IMMP2L: variants seen among roughly 807,000 people sequenced by gnomAD.
IMMP2L encodes inner mitochondrial membrane peptidase subunit 2.
In IMMP2L, 18 loss-of-function variants were observed where a neutral mutation model predicts 19.3. The ratio of observed to expected loss-of-function variants is 0.93; its 90% CI spans 0.64 to 1.38. The LOEUF (loss-of-function observed/expected upper bound fraction) is 1.38. IMMP2L is among the 40% of genes most tolerant of loss of function. The probability of loss-of-function intolerance (pLI) is 0.00; values close to 1 mark genes in which losing one functional copy is unlikely to be tolerated. For synonymous variants in IMMP2L, 76 were observed against 73.0 expected, an observed-to-expected ratio of 1.04 and a Z score of -0.21; for missense variants, 233 against 218.2, an observed-to-expected ratio of 1.07 and a Z score of -0.43.
Position 110,803,009 on chromosome 7 carries a change from AG to A in IMMP2L, c.408+83583del, listed in dbSNP as rs1478844295. ...TGATGTTAAAATAGAAATATGCAAA[AG>A]AAGTAGAGATTATAAACACAATTAC... is the stretch of plus-strand genomic sequence containing the variant. On this transcript the variant is annotated intron_variant, in intron 5 of 5. Coordinates refer to ENST00000405709, the MANE Select transcript of IMMP2L (RefSeq NM_032549.4). This position sits in a 1 kb window ranked among gnomAD's most constrained non-coding sequence, Gnocchi z 4.2. Among the ~76,000 whole-genome samples the A allele has an allele frequency of 5.3e-5, 8 of 152,152 alleles. No homozygotes were observed. Among genetic ancestry groups the A allele is most frequent in the Non-Finnish European group, 1.0e-4 (7 of 68,020 alleles).
chr7:111,006,418 A>G (rs1233743754), intron 3 of IMMP2L, among the ~76,000 whole-genome samples: 1 of 152,160 alleles, frequency 6.6e-6, no homozygotes, highest in African/African-American at 2.4e-5. Context: ...GACTTTTAAC[A>G]CTAAAAGTGA....
intron 3 of IMMP2L, among the ~76,000 whole-genome samples, chr7:111,046,821 T>C (rs979178366): frequency 2.0e-5 from 3 of 152,218 alleles, no homozygotes; most frequent in African/African-American, 7.2e-5. Flanking sequence ...TGTTGGGGAC[T>C]CTACATTCAC....
chr7:111,012,921 A>G (rs56148096), intron 3 of IMMP2L, among the ~76,000 whole-genome samples: 69,399 of 151,988 alleles, frequency 0.46, 17,520 homozygotes, highest in Non-Finnish European at 0.58. Flanking sequence ...TAGGAAGAGG[A>G]AGGGCTTCCA....
chr7:110,868,918 G>GA (rs1189483343), intron 5 of IMMP2L, among the ~76,000 whole-genome samples: 3 of 149,316 alleles, frequency 2.0e-5, no homozygotes, highest in Admixed American at 6.7e-5. Context: ...AAAATTTCTT[G>GA]AAAAAAATTA....
At chr7:111,285,987 G>A (rs529709852) in intron 3 of IMMP2L, among the ~76,000 whole-genome samples, 2 of 152,226 alleles carry the variant, frequency 1.3e-5, no homozygotes, top group South Asian at 4.1e-4. Flanking sequence ...CAAGGAAGAA[G>A]GTTCAATCAA....
At chr7:111,534,167 A>C (rs1427194569) in intron 1 of IMMP2L, among the ~76,000 whole-genome samples, 1 of 152,146 alleles carries the variant, frequency 6.6e-6, no homozygotes, top group Non-Finnish European at 1.5e-5. Flanking sequence ...TCTGATGCAG[A>C]AACACCACTC....
At chr7:110,818,827 G>T (rs1158031480) in intron 5 of IMMP2L, among the ~76,000 whole-genome samples, 2 of 151,750 alleles carry the variant, frequency 1.3e-5, no homozygotes, top group African/African-American at 4.8e-5. Context: ...GGATGAAGGT[G>T]GAAACCATCA....
At chr7:110,682,651 A>G (rs1792809523) in intron 5 of IMMP2L, among the ~76,000 whole-genome samples, 1 of 152,144 alleles carries the variant, frequency 6.6e-6, no homozygotes, top group African/African-American at 2.4e-5. Flanking sequence ...AGGAGCAGAT[A>G]TGGGAAATGA....
intron 3 of IMMP2L, among the ~76,000 whole-genome samples, chr7:111,191,908 T>C (rs1003873100): frequency 6.6e-6 from 1 of 152,156 alleles, no homozygotes; most frequent in Admixed American, 6.5e-5. Context: ...AGGAACTATG[T>C]AGTAGACGCA....
chr7:111,140,693 A>G (rs1246942490), intron 3 of IMMP2L, among the ~76,000 whole-genome samples: 1 of 152,220 alleles, frequency 6.6e-6, no homozygotes, highest in Non-Finnish European at 1.5e-5. Context: ...CACAGGATGT[A>G]GAACTGAAAA....
chr7:111,005,625 A>T (rs923899787), intron 3 of IMMP2L, among the ~76,000 whole-genome samples: 2 of 152,160 alleles, frequency 1.3e-5, no homozygotes, highest in African/African-American at 4.8e-5. Context: ...GTGTTCCTGT[A>T]AGGGTGTCAC....
intron 5 of IMMP2L, among the ~76,000 whole-genome samples, chr7:110,790,171 G>C (rs1200842072): frequency 6.6e-6 from 1 of 151,538 alleles, no homozygotes; most frequent in African/African-American, 2.4e-5. Context: ...AAGCAGAGGG[G>C]AGAACAAGTA....
intron 3 of IMMP2L, among the ~76,000 whole-genome samples, chr7:111,192,538 G>A (rs1044320285): frequency 4.6e-5 from 7 of 152,020 alleles, no homozygotes; most frequent in African/African-American, 1.2e-4. Flanking sequence ...ATAAAATTAA[G>A]TGAATTTGTT....
chr7:111,302,504 C>G (rs1246210354), intron 3 of IMMP2L, among the ~76,000 whole-genome samples: 2 of 151,742 alleles, frequency 1.3e-5, no homozygotes, highest in East Asian at 1.9e-4. Context: ...TTCGATAACT[C>G]TGTGTGTGTG....
intron 3 of IMMP2L, among the ~76,000 whole-genome samples, chr7:111,214,786 A>T (rs948455503): frequency 6.9e-6 from 1 of 143,980 alleles, no homozygotes; most frequent in Non-Finnish European, 1.5e-5. Flanking sequence ...ATAACCATGT[A>T]AAAAAAAAAA....
chr7:110,940,904 G>A (rs1034198539), intron 4 of IMMP2L, among the ~76,000 whole-genome samples: 3 of 152,104 alleles, frequency 2.0e-5, no homozygotes, highest in Non-Finnish European at 4.4e-5. Flanking sequence ...TATAAGTGGT[G>A]GTTTAATCAC....
chr7:111,381,634 TGA>T (rs1174292929), intron 3 of IMMP2L, among the ~76,000 whole-genome samples: 1 of 151,786 alleles, frequency 6.6e-6, no homozygotes, highest in Non-Finnish European at 1.5e-5. Flanking sequence ...ATCGCCAAGG[TGA>T]GAGAGGACAG....
At chr7:110,771,636 G>C (rs764667261) in intron 5 of IMMP2L, among the ~76,000 whole-genome samples, 2 of 152,156 alleles carry the variant, frequency 1.3e-5, no homozygotes, top group Non-Finnish European at 2.9e-5. Context: ...ACATAGAATA[G>C]TACCTGATAC....
At chr7:111,240,533 T>C (rs746147395) in intron 3 of IMMP2L, among the ~76,000 whole-genome samples, 2 of 151,850 alleles carry the variant, frequency 1.3e-5, no homozygotes, top group Non-Finnish European at 1.5e-5. Context: ...TCAAGGCAAA[T>C]AAAACGAAGA....
Sources: allele counts gnomAD v4.1 joint callset (sites outside exome capture counted in the v4.1 genomes callset), GRCh38; gene constraint gnomAD v4.1.1; non-coding constraint Gnocchi (gnomAD v3.1); transcripts MANE v1.5; gene names NCBI Gene and HGNC (gene_info 2026-07-23, HGNC 2026-07-21).